The following RNF14 variants were observed in gnomAD, a reference collection of about 807,000 sequenced individuals.
RNF14 encodes ring finger protein 14.
RNF14 carries 26 observed loss-of-function variants against 52.6 expected under a neutral mutation model. The ratio of observed to expected loss-of-function variants is 0.49; its 90% CI spans 0.36 to 0.69. The LOEUF is 0.69. Among genes scored for constraint, RNF14 ranks in the 30% least tolerant of loss-of-function variants. RNF14 has a pLI of 0.00. For missense variants in RNF14, 404 were observed against 560.4 expected, an observed-to-expected ratio of 0.72 and a Z score of 2.82; for synonymous variants, 194 against 202.0, an observed-to-expected ratio of 0.96 and a Z score of 0.34.
At chr5:141,971,034 T>G (rs1561543914) in intron 2 of RNF14, among the ~76,000 whole-genome samples, 157 bp downstream of exon 2, 1 of 152,242 alleles carries the variant, frequency 6.6e-6, no homozygotes, top group Non-Finnish European at 1.5e-5. Flanking sequence ...TAAAAAATCC[T>G]AACTTTTTAC....
chr5:141,984,964 C>T, intron 8 of RNF14, 31 bp downstream of exon 8: 2 of 1,587,242 alleles, frequency 1.3e-6, no homozygotes, highest in Non-Finnish European at 1.7e-6. Context: ...TCAGGCTCAC[C>T]AGCAATTTTT....
chr5:141,971,609 TTC>T (rs1753779864), intron 2 of RNF14, among the ~76,000 whole-genome samples: 3 of 143,560 alleles, frequency 2.1e-5, no homozygotes, highest in Non-Finnish European at 3.1e-5. Flanking sequence ...CTTTCTTTCT[TTC>T]CTTTCTTTCT....
chr5:141,967,841 A>G (rs1249107915), upstream of RNF14, among the ~76,000 whole-genome samples: 3 of 152,226 alleles, frequency 2.0e-5, no homozygotes, highest in African/African-American at 7.2e-5. Flanking sequence ...TAATTAAGAC[A>G]TAATTCACAT....
At chr5:141,973,778 A>C in intron 3 of RNF14, 36 bp downstream of exon 3, 1 of 1,532,764 alleles carries the variant, frequency 6.5e-7, no homozygotes, top group Non-Finnish European at 8.8e-7. Flanking sequence ...TTTTTCTATT[A>C]TTCTTTATTT....
At chr5:141,975,439 CAA>C (rs1561548401) in intron 4 of RNF14, among the ~76,000 whole-genome samples, 1 of 152,092 alleles carries the variant, frequency 6.6e-6, no homozygotes, top group African/African-American at 2.4e-5. Context: ...GTATTAATAA[CAA>C]ATAACAGTCA....
the RNF14 span, chr5:141,949,423 G>T: frequency 6.2e-7 from 1 of 1,609,516 alleles, no homozygotes; most frequent in Non-Finnish European, 8.5e-7. Flanking sequence ...AACTCCAGGG[G>T]GTCCCTACCT....
chr5:141,973,830 A>G (rs1448466518), intron 3 of RNF14, 88 bp downstream of exon 3: 3 of 1,170,476 alleles, frequency 2.6e-6, no homozygotes, highest in Admixed American at 2.5e-5. Flanking sequence ...TGTTTTAGGC[A>G]TTAGTGATAG....
upstream of RNF14, among the ~76,000 whole-genome samples, chr5:141,968,210 A>C (rs1753425328): frequency 6.8e-6 from 1 of 148,090 alleles, no homozygotes; most frequent in South Asian, 2.1e-4. Flanking sequence ...GGTTCAAATG[A>C]TTCTCCTGCC....
chr5:141,981,072 T>C (rs114835235), intron 6 of RNF14, among the ~76,000 whole-genome samples: 165 of 152,328 alleles, frequency 1.1e-3, no homozygotes, highest in South Asian at 6.6e-3. Context: ...GGTGGCTTAG[T>C]CTTCTTCAGA....
intron 4 of RNF14, among the ~76,000 whole-genome samples, chr5:141,975,924 C>CAA (rs5871799): frequency 7.6e-5 from 10 of 131,140 alleles, no homozygotes; most frequent in Admixed American, 3.8e-4. Flanking sequence ...GACCCTGTCT[C>CAA]AAAAAAAAAA....
At chr5:141,952,724 TA>T in the RNF14 span, 2 of 152,336 alleles carry the variant, frequency 1.3e-5, no homozygotes, top group African/African-American at 2.4e-5. Flanking sequence ...TCATCTCTAA[TA>T]GGGGGCTAGA....
chr5:141,951,296 T>C, the RNF14 span, among the ~76,000 whole-genome samples: 5 of 152,212 alleles, frequency 3.3e-5, no homozygotes, highest in Admixed American at 3.3e-4. Context: ...ACAGGACTTC[T>C]AGGTCCTGTA....
chr5:141,977,551 A>G (rs1754377076), intron 4 of RNF14, among the ~76,000 whole-genome samples: 1 of 152,248 alleles, frequency 6.6e-6, no homozygotes, highest in South Asian at 2.1e-4. Context: ...TGAACAGACC[A>G]CTTTTAAAGA....
intron 2 of RNF14, among the ~76,000 whole-genome samples, chr5:141,971,726 C>G (rs1318967473): frequency 6.7e-6 from 1 of 148,816 alleles, no homozygotes; most frequent in Non-Finnish European, 1.5e-5. Context: ...ACTGCAACCT[C>G]TGCCTCCTGG....
chr5:141,955,637 T>G, upstream of RNF14: 1 of 1,614,134 alleles, frequency 6.2e-7, no homozygotes, highest in Non-Finnish European at 8.5e-7. The surrounding 1 kb of genome is among the most constrained non-coding windows in gnomAD (Gnocchi z 5.5). Flanking sequence ...GTCCGGCAGA[T>G]GGACATGAAC....
At chr5:141,976,319 G>A (rs990199191) in intron 4 of RNF14, among the ~76,000 whole-genome samples, 11 of 151,912 alleles carry the variant, frequency 7.2e-5, no homozygotes, top group Non-Finnish European at 1.2e-4. Context: ...GTGCATGCAC[G>A]TGCATGCACA....
At chr5:141,961,835 G>C (rs1255809585) in intron 1 of RNF14, among the ~76,000 whole-genome samples, 2 of 152,130 alleles carry the variant, frequency 1.3e-5, no homozygotes. Flanking sequence ...CTGACCCTTG[G>C]AGGACTCCCA....
intron 8 of RNF14, among the ~76,000 whole-genome samples, chr5:141,986,589 T>G (rs1276806910): frequency 1.3e-5 from 2 of 152,244 alleles, no homozygotes; most frequent in Admixed American, 1.3e-4. Flanking sequence ...TCCTTGGCCC[T>G]GGAGAATTTG....
At chr5:141,965,141 G>A (rs1753313434), upstream of RNF14, among the ~76,000 whole-genome samples, 1 of 152,276 alleles carries the variant, frequency 6.6e-6, no homozygotes, top group African/African-American at 2.4e-5. Flanking sequence ...CTGTGTTCAA[G>A]GGCTTGTTGC....
Sources: allele counts gnomAD v4.1 joint callset (sites outside exome capture counted in the v4.1 genomes callset), GRCh38; gene constraint gnomAD v4.1.1; non-coding constraint Gnocchi (gnomAD v3.1); transcripts MANE v1.5; gene names NCBI Gene and HGNC (gene_info 2026-07-23, HGNC 2026-07-21).